BTNL9: variants seen among roughly 807,000 people sequenced by gnomAD.
The protein encoded by BTNL9 is butyrophilin like 9, also known as butyrophilin-like protein 9.
A neutral mutation model predicts 45.8 loss-of-function variants in BTNL9; 45 were observed. The observed-to-expected ratio is 0.98, with a 90% CI of 0.77 to 1.26. The LOEUF (loss-of-function observed/expected upper bound fraction) is 1.26, where lower values mean the gene tolerates loss of function less well. BTNL9 is among the 50% of genes most tolerant of loss of function. The pLI, the probability that BTNL9 is intolerant of heterozygous loss-of-function variation, is 0.00. For synonymous variants in BTNL9, 346 were observed against 330.8 expected (o/e 1.05, Z -0.50); for missense variants, 784 against 729.7 (o/e 1.07, Z -0.86).
Position 181,048,237 on chromosome 5 carries a change from C to G in BTNL9, c.420C>G (p.Phe140Leu), listed in dbSNP as rs1425532661. Residue 140 changes from phenylalanine to leucine, a missense_variant, in exon 3 of 11, where the codon TTC becomes TTG. Physicochemically the swap from Phe to Leu is conservative, Grantham distance 22. Transcript: ENST00000327705. ...GCTGCCGCTTCCACTCCGACAACTT[C>G]TCTGGCGAAGCTCTCTGGGAACTGG... ...TYGCRFHSDN[F>L]SGEALWELEV... is the part of the protein sequence containing the mutation. 1 of 1,612,140 alleles carries G rather than the reference C, an allele frequency of 6.2e-7. No homozygotes were observed. Among genetic ancestry groups the G allele is most frequent in the Admixed American group, 1.7e-5 (1 of 60,016 alleles).
intron 2 of BTNL9, among the ~76,000 whole-genome samples, chr5:181,046,872 CTGAGG>C (rs1761204931): frequency 6.6e-6 from 1 of 152,098 alleles, no homozygotes. Flanking sequence ...AGGGGATTAG[CTGAGG>C]TAGGGTGTGC....
rs1343216237 is a variant in BTNL9, at chr5:181,054,281, A to G, written c.907+22A>G. 6.8e-6 allele frequency: 11 copies of G among 1,606,290 alleles called. No homozygotes were observed. The East Asian group carries it at 2.2e-4, about 33-fold the overall frequency. On this transcript the variant is annotated intron_variant, in intron 7 of 10. Coordinates refer to ENST00000327705, the MANE Select transcript of BTNL9 (RefSeq NM_152547.5). ...CTGGGTAAGTTCTGGGTGCGGGGCCACAGTGCTGCCTGTCAGCCGGACCCT... is the reference window on the plus strand; with the variant it reads ...CTGGGTAAGTTCTGGGTGCGGGGCCGCAGTGCTGCCTGTCAGCCGGACCCT...
rs531060379 is a variant in BTNL9 at position 181,060,344 on chromosome 5, A to T, written c.*482A>T. The stretch of plus-strand genomic sequence containing the variant: ...TAAAAACCATTTCCCATTAAAATGA[A>T]GTTGGAGGAACAGCTGCTTCTGGAG... On this transcript the variant is annotated 3_prime_UTR_variant, in exon 11 of 11. Coordinates refer to ENST00000327705, the MANE Select transcript of BTNL9 (RefSeq NM_152547.5). 6.5e-6 allele frequency: 1 copy of T among 153,062 alleles called. No individual in the cohort carries two copies. Among genetic ancestry groups the T allele is most frequent in the Non-Finnish European group, 1.5e-5 (1 of 68,554 alleles). The allele number at this position is 153,062 out of a possible 1,614,324, so 9.5% of individuals were successfully genotyped here. A position where few individuals can be genotyped will look rare whatever the true frequency, so the allele number is the denominator to read the frequency against.
At chr5:181,056,794 G>A (rs1582149333) in intron 9 of BTNL9, 2 of 566,978 alleles carry the variant, frequency 3.5e-6, no homozygotes, top group Non-Finnish European at 6.3e-6. Flanking sequence ...CACATCTCAT[G>A]TGAACCAGCA....
chr5:181,057,500 C>G (rs949009566), intron 9 of BTNL9, among the ~76,000 whole-genome samples: 1 of 152,148 alleles, frequency 6.6e-6, no homozygotes, highest in African/African-American at 2.4e-5. Context: ...GTCCATTGGC[C>G]ACCTATTACA....
In BTNL9 at chr5:181,054,265, T is replaced by A. The variant is rs1461176232; in HGVS notation, c.907+6T>A. The A allele has an allele frequency of 1.2e-6, 2 of 1,611,744 alleles. No homozygotes were observed. The highest frequency in any genetic ancestry group is 1.7e-6 in the Non-Finnish European group (2 of 1,179,834). On this transcript the variant is annotated splice_donor_region_variant and intron_variant, in intron 7 of 10. Transcript: ENST00000327705. ...GAAACTCACTGCAGAGCTGGGTAAG[T>A]TCTGGGTGCGGGGCCACAGTGCTGC...
intron 1 of BTNL9, chr5:181,043,280 ATG>A (rs1225961202): frequency 1.4e-5 from 2 of 146,108 alleles, no homozygotes; most frequent in East Asian, 2.0e-4. Context: ...GTGTGTGTGC[ATG>A]TGTGTGTGTC....
Position 181,045,500 on chromosome 5 carries a change from T to G in BTNL9, c.11T>G (p.Leu4Arg). ...CACTGCTGACGAGAGATGGTGGACC[T>G]CTCAGTCTCCCCAGACTCCTTGAAG... MVD[L>R]SVSPDSLKPV... The change falls in exon 2 of 11, where the codon CTC (leucine) becomes CGC (arginine). Residue 4 changes from leucine to arginine, a missense_variant. Transcript: ENST00000327705. The G allele has an allele frequency of 6.2e-7, 1 of 1,607,728 alleles. No individual in the cohort carries two copies. Among genetic ancestry groups the G allele is most frequent in the South Asian group, 1.1e-5 (1 of 91,018 alleles).
Position 181,053,920 on chromosome 5 carries a change from A to G in BTNL9, c.887-319A>G. 1 of 1,511,474 alleles carries G rather than the reference A, an allele frequency of 6.6e-7. No homozygotes were observed. Among genetic ancestry groups the G allele is most frequent in the Non-Finnish European group, 8.8e-7 (1 of 1,131,532 alleles). The allele number at this position is 1,511,474 out of a possible 1,614,324, so 93.6% of individuals were successfully genotyped here. On this transcript the variant is annotated intron_variant, in intron 6 of 10. Transcript: ENST00000327705. This position sits in a 1 kb window ranked among gnomAD's most constrained non-coding sequence, Gnocchi z 6.5. The stretch of plus-strand genomic sequence containing the variant: ...CGGTCAGGCACCGAGAAAACAGCCC[A>G]GTTACGTGAGGCAGTGTCCGGGGCT...
chr5:181,046,304 C>G (rs1269941114), intron 2 of BTNL9, among the ~76,000 whole-genome samples: 1 of 151,722 alleles, frequency 6.6e-6, no homozygotes, highest in Non-Finnish European at 1.5e-5. Flanking sequence ...ATCTCCCCAG[C>G]CTGTAGTGTT....
rs983824580 is a variant in BTNL9 at position 181,055,029 on chromosome 5, C to T, written c.908-404C>T. 1 of 985,432 alleles carries T rather than the reference C, an allele frequency of 1.0e-6. No individual in the cohort carries two copies. Among genetic ancestry groups the T allele is most frequent in the Admixed American group, 6.1e-5 (1 of 16,292 alleles). 61.0% of individuals were successfully genotyped at this position (985,432 alleles called of 1,614,324 possible). A position where few individuals can be genotyped will look rare whatever the true frequency, so the allele number is the denominator to read the frequency against. On this transcript the variant is annotated intron_variant, in intron 7 of 10. Transcript: ENST00000327705. This position sits in a 1 kb window ranked among gnomAD's most constrained non-coding sequence, Gnocchi z 4.4. The stretch of plus-strand genomic sequence containing the variant: ...GAAATAATTGGGTGTGATGTCCTTC[C>T]AGTCCTTCAGATAACGCACCCGGTG...
Position 181,059,464 on chromosome 5 carries a change from G to A in BTNL9, c.1210G>A (p.Ala404Thr). The A allele has an allele frequency of 6.9e-7, 1 of 1,442,996 alleles. No homozygotes were observed. Among genetic ancestry groups the A allele is most frequent in the Non-Finnish European group, 9.0e-7 (1 of 1,105,380 alleles). 89.4% of individuals were successfully genotyped at this position (1,442,996 alleles called of 1,614,324 possible). ...CTGGTTCCTGGGCGCCTGCCTGGCC[G>A]CGGTGCCGCGCGCGGGGCCTGCGCG... ...SRWFLGACLA[A>T]VPRAGPARLS... Residue 404 changes from alanine (A) to threonine (T), a missense_variant, in exon 11 of 11, where the codon GCG (alanine) becomes ACG (threonine). By Grantham distance (58) the Ala-to-Thr change is moderately conservative. Transcript: ENST00000327705.
In BTNL9 at chr5:181,050,436, CA is replaced by C; in HGVS notation, c.736+68del. 1 of 1,555,058 alleles carries C rather than the reference CA, an allele frequency of 6.4e-7. No homozygotes were observed. Reference sequence around the variant, plus strand: ...GTGTACATACACATTGGCCCAAAGGCAGTCTATAAAGACACAATGGTACTGC... The same window carrying C: ...GTGTACATACACATTGGCCCAAAGGCGTCTATAAAGACACAATGGTACTGC... On this transcript the variant is annotated intron_variant, in intron 4 of 10. Coordinates refer to ENST00000327705, the MANE Select transcript of BTNL9 (RefSeq NM_152547.5). The surrounding 1 kb of genome is among the most constrained non-coding windows in gnomAD (Gnocchi z 4.9).
chr5:181,050,225 T>C lies in BTNL9; in HGVS notation c.592T>C (p.Phe198Leu), dbSNP rs758793047. The change falls in exon 4 of 11, where the codon TTT becomes CTT. Residue 198 changes from phenylalanine to leucine, a missense_variant. Coordinates refer to ENST00000327705, the MANE Select transcript of BTNL9 (RefSeq NM_152547.5). The surrounding 1 kb of genome is among the most constrained non-coding windows in gnomAD (Gnocchi z 4.9). ...DHQGQCLPPE[F>L]EAIVWDAQDL... is the part of the protein sequence containing the mutation. ...CCAGGGACAGTGCCTGCCTCCAGAGTTTGAAGCCATCGTCTGGGATGCCCA... is the reference window on the plus strand; with the variant it reads ...CCAGGGACAGTGCCTGCCTCCAGAGCTTGAAGCCATCGTCTGGGATGCCCA... 6.2e-6 allele frequency: 10 copies of C among 1,613,980 alleles called. No individual in the cohort carries two copies. Among genetic ancestry groups the C allele is most frequent in the Non-Finnish European group, 7.6e-6 (9 of 1,179,996 alleles).
rs751806521 is a variant in BTNL9, at chr5:181,059,205, C to T, written c.983-32C>T. On this transcript the variant is annotated intron_variant, in intron 10 of 10. Coordinates refer to ENST00000327705, the MANE Select transcript of BTNL9 (RefSeq NM_152547.5). ...GACACGGACGGGGCCCAGACCGTCC[C>T]GGGCGGGCACTAACGCTGTGGCTCT... is the stretch of plus-strand genomic sequence containing the variant. 12 of 1,487,596 alleles carry T rather than the reference C, an allele frequency of 8.1e-6. No homozygotes were observed. In the Admixed American group the frequency reaches 8.9e-5, roughly 11 times the overall value. The allele number at this position is 1,487,596 out of a possible 1,614,324, so 92.1% of individuals were successfully genotyped here.
intron 9 of BTNL9, 96 bp downstream of exon 9, chr5:181,056,111 G>T: frequency 1.4e-6 from 2 of 1,383,938 alleles, no homozygotes; most frequent in Non-Finnish European, 2.1e-6. Flanking sequence ...CATTCTGGTT[G>T]CATTCCGTGG....
At position 181,055,759 on chromosome 5, in the gene BTNL9, ACT is replaced by A. The variant is rs1234655113; in HGVS notation, c.929-227_929-226del. On this transcript the variant is annotated intron_variant, in intron 8 of 10. Transcript: ENST00000327705. The surrounding 1 kb of genome is among the most constrained non-coding windows in gnomAD (Gnocchi z 4.4). ...ACTCCAGCCTGGGCGACAGAGCGAG[ACT>A]CTGTCTCAAAAAAAAAAAGAACTAT... is the stretch of plus-strand genomic sequence containing the variant. 10 of 709,338 alleles carry A rather than the reference ACT, an allele frequency of 1.4e-5. No homozygotes were observed. The highest frequency in any genetic ancestry group is 3.5e-5 in the African/African-American group (2 of 56,682). The allele number at this position is 709,338 out of a possible 1,614,324, so 43.9% of individuals were successfully genotyped here.
intron 2 of BTNL9, among the ~76,000 whole-genome samples, chr5:181,046,758 T>G (rs547149630): frequency 6.6e-6 from 1 of 151,888 alleles, no homozygotes; most frequent in South Asian, 2.1e-4. Context: ...GGAGCACAGC[T>G]AAGAGCAATG....
intron 1 of BTNL9, among the ~76,000 whole-genome samples, chr5:181,040,976 C>A (rs1289147291): frequency 6.6e-6 from 1 of 152,246 alleles, no homozygotes; most frequent in African/African-American, 2.4e-5. Flanking sequence ...GGGATAATTT[C>A]TGTACTTTGT....
Sources: allele counts gnomAD v4.1 joint callset (sites outside exome capture counted in the v4.1 genomes callset), GRCh38; gene constraint gnomAD v4.1.1; non-coding constraint Gnocchi (gnomAD v3.1); transcripts MANE v1.5; gene names NCBI Gene and HGNC (gene_info 2026-07-23, HGNC 2026-07-21).